POLB: variants seen among roughly 807,000 people sequenced by gnomAD.
POLB encodes 5'-dRP lyase.
In POLB, 37 loss-of-function variants were observed where a neutral mutation model predicts 52.7. That is an observed-to-expected ratio of 0.70 (90% confidence interval 0.54 to 0.92). The LOEUF (loss-of-function observed/expected upper bound fraction) is 0.92. Among genes scored for constraint, POLB ranks in the 40% least tolerant of loss-of-function variants. The pLI, the probability that POLB is intolerant of heterozygous loss-of-function variation, is 0.00. For synonymous variants in POLB, 138 were observed against 131.3 expected, an observed-to-expected ratio of 1.05 and a Z score of -0.35; for missense variants, 313 against 400.8, an observed-to-expected ratio of 0.78 and a Z score of 1.87.
At chr8:42,339,364 C>T (rs1260744924) in intron 2 of POLB, 6 of 406,842 alleles carry the variant, frequency 1.5e-5, no homozygotes, top group Non-Finnish European at 2.7e-5. Context: ...TGAAAGACAG[C>T]GGATGAAGTC....
chr8:42,341,665 C>G, intron 2 of POLB: 1 of 235,852 alleles, frequency 4.2e-6, no homozygotes, highest in South Asian at 6.4e-5. Flanking sequence ...GCAAGAATTA[C>G]AGGTCACCGC....
chr8:42,353,922 T>C (rs1190969664), intron 6 of POLB, among the ~76,000 whole-genome samples: 1 of 145,294 alleles, frequency 6.9e-6, no homozygotes, highest in Non-Finnish European at 1.6e-5. Flanking sequence ...TTATGAGGCA[T>C]GATTAGTAGT....
Position 42,368,532 on chromosome 8 carries a change from CTTGT to C in POLB, c.709-736_709-733del, listed in dbSNP as rs1428371138. On this transcript the variant is annotated intron_variant, in intron 11 of 13. Transcript: ENST00000265421. The stretch of plus-strand genomic sequence containing the variant: ...ATTGGAAATTTGGTGGTGCTTATAT[CTTGT>C]TTTACATATGTATGGGTTGCTGACC... Among the ~76,000 whole-genome samples, 3 of 152,146 alleles carry C rather than the reference CTTGT, an allele frequency of 2.0e-5. No individual in the cohort carries two copies. The East Asian group carries it at 5.8e-4, about 29-fold the overall frequency.
intron 11 of POLB, among the ~76,000 whole-genome samples, chr8:42,364,170 G>T (rs897788251): frequency 6.6e-6 from 1 of 151,954 alleles, no homozygotes; most frequent in Non-Finnish European, 1.5e-5. Context: ...CAGGTGATCC[G>T]CCTGCCTCAG....
At chr8:42,353,037 G>A (rs1025945143) in intron 6 of POLB, among the ~76,000 whole-genome samples, 1 of 150,884 alleles carries the variant, frequency 6.6e-6, no homozygotes, top group Non-Finnish European at 1.5e-5. Context: ...TGGTGCCACT[G>A]CACTCCAGCC....
intron 2 of POLB, 142 bp from the exon 3 acceptor site, chr8:42,344,811 C>CA (rs968473066): frequency 3.7e-4 from 214 of 575,254 alleles, no homozygotes; most frequent in African/African-American, 9.8e-4. Context: ...GAGACTGTCT[C>CA]AAAAAAAACA....
intron 2 of POLB, among the ~76,000 whole-genome samples, chr8:42,340,398 G>A (rs866537653): frequency 5.9e-5 from 9 of 152,196 alleles, no homozygotes; most frequent in African/African-American, 2.2e-4. Context: ...TACCTTCAGG[G>A]TATGTGCGTA....
Position 42,371,772 on chromosome 8 carries a change from G to T in POLB, c.*115G>T, listed in dbSNP as rs1299087463. 1 of 666,490 alleles carries T rather than the reference G, an allele frequency of 1.5e-6. No individual in the cohort carries two copies. Among genetic ancestry groups the T allele is most frequent in the East Asian group, 2.9e-5 (1 of 34,966 alleles). 41.3% of individuals were successfully genotyped at this position (666,490 alleles called of 1,614,324 possible). On this transcript the variant is annotated 3_prime_UTR_variant, in exon 14 of 14. Transcript: ENST00000265421. ...ATGATTGTTTCTTCTTCATGCTTTT[G>T]CTTGCAATGTAGTCAATAAAACCTC... is the stretch of plus-strand genomic sequence containing the variant.
chr8:42,371,416 TC>T, intron 13 of POLB, 146 bp from the exon 14 acceptor site: 1 of 422,448 alleles, frequency 2.4e-6, no homozygotes, highest in Admixed American at 3.9e-5. Context: ...AGCTACCACA[TC>T]CGCCGGTCTT....
At chr8:42,360,602 A>G (rs537228962) in intron 9 of POLB, among the ~76,000 whole-genome samples, 11 of 152,370 alleles carry the variant, frequency 7.2e-5, no homozygotes, top group African/African-American at 2.2e-4. Context: ...AAATGAAAAA[A>G]TTCCATCTCA....
intron 2 of POLB, chr8:42,342,781 A>T (rs776586509): frequency 6.2e-6 from 2 of 322,222 alleles, no homozygotes; most frequent in Non-Finnish European, 1.2e-5. Flanking sequence ...GATGGCATGA[A>T]CCCAGGAGTT....
chr8:42,352,237 T>A (rs1457295620), intron 5 of POLB, among the ~76,000 whole-genome samples: 2 of 152,222 alleles, frequency 1.3e-5, no homozygotes, highest in African/African-American at 4.8e-5. Context: ...TCAGTAAATC[T>A]TAGTTCAATG....
intron 9 of POLB, chr8:42,357,782 A>G (rs1025943988): frequency 6.5e-6 from 1 of 154,618 alleles, no homozygotes; most frequent in African/African-American, 2.5e-5. Context: ...GCTGGAGTGC[A>G]GTGGCACCAT....
intron 5 of POLB, among the ~76,000 whole-genome samples, chr8:42,350,328 A>G (rs1264843043): frequency 6.6e-6 from 1 of 151,670 alleles, no homozygotes; most frequent in South Asian, 2.1e-4. Flanking sequence ...CCTCCTCTGA[A>G]CTCCACTACC....
rs746704565 is a variant in POLB at position 42,362,638 on chromosome 8, G to A, written c.648G>A (p.Glu216=). 9.9e-6 allele frequency: 16 copies of A among 1,609,498 alleles called. 1 individual carries two copies. The Admixed American group carries it at 2.7e-4, about 27-fold the overall frequency. The change falls in exon 11 of 14, where the codon GAG becomes GAA. Residue 216 remains glutamate (E), a synonymous_variant. Coordinates refer to ENST00000265421, the MANE Select transcript of POLB (RefSeq NM_002690.3). ...CAAAACTGTTACATCAGGTTGTGGA[G>A]CAGTTACAAAAGGTTCATTTTATCA... ...KQPKLLHQVV[E]QLQKVHFITD...
chr8:42,349,789 CT>C (rs1479920700), intron 4 of POLB, among the ~76,000 whole-genome samples: 1 of 152,140 alleles, frequency 6.6e-6, no homozygotes, highest in East Asian at 1.9e-4. Context: ...AAGAATAGAC[CT>C]TTTAAAAGTA....
intron 3 of POLB, 111 bp from the exon 4 acceptor site, chr8:42,348,905 C>T (rs1369177827): frequency 1.8e-6 from 1 of 562,406 alleles, no homozygotes; most frequent in Non-Finnish European, 3.1e-6. Flanking sequence ...TATTTCAAAC[C>T]TTATCACATG....
At position 42,338,601 on chromosome 8, in the gene POLB, T is replaced by G. The variant is rs759115794; in HGVS notation, c.-24T>G. The G allele has an allele frequency of 4.3e-6, 7 of 1,611,208 alleles. No individual in the cohort carries two copies. The East Asian group carries it at 8.9e-5, about 21-fold the overall frequency. On this transcript the variant is annotated 5_prime_UTR_variant, in exon 1 of 14. Coordinates refer to ENST00000265421, the MANE Select transcript of POLB (RefSeq NM_002690.3). ...CTCTAGTCCCTGGTTCTGAACACTC[T>G]GGGGTTCTCGGGTGCAGGCCGCCAT...
At chr8:42,371,464 C>G in intron 13 of POLB, 99 bp from the exon 14 acceptor site, 6 of 444,724 alleles carry the variant, frequency 1.3e-5, no homozygotes, top group Admixed American at 4.1e-5. Context: ...TTTCTTTTTT[C>G]TTCTGAAAGC....
Sources: allele counts gnomAD v4.1 joint callset (sites outside exome capture counted in the v4.1 genomes callset), GRCh38; gene constraint gnomAD v4.1.1; transcripts MANE v1.5; gene names NCBI Gene and HGNC (gene_info 2026-07-23, HGNC 2026-07-21).